GALNT17: variants seen among roughly 807,000 people sequenced by gnomAD.
The protein encoded by GALNT17 is UDP-GalNAc:polypeptide N-acetylgalactosaminyltransferase-like 3.
GALNT17 carries 29 observed loss-of-function variants against 63.7 expected under a neutral mutation model. The ratio of observed to expected loss-of-function variants is 0.46; its 90% confidence interval spans 0.34 to 0.62. The LOEUF (loss-of-function observed/expected upper bound fraction) is 0.62, where lower values mean the gene tolerates loss of function less well. Among genes scored for constraint, GALNT17 ranks in the 20% least tolerant of loss-of-function variants. The pLI, the probability that GALNT17 is intolerant of heterozygous loss-of-function variation, is 0.01. For missense variants in GALNT17, 603 were observed against 799.6 expected (o/e 0.75, Z 2.97); for synonymous variants, 305 against 318.3 (o/e 0.96, Z 0.45).
intron 1 of GALNT17, among the ~76,000 whole-genome samples, chr7:71,189,149 A>T (rs1462126305): frequency 2.0e-5 from 3 of 152,172 alleles, no homozygotes; most frequent in Admixed American, 2.0e-4. Flanking sequence ...AGTGTCCCCC[A>T]TACTATCCTC....
chr7:71,237,511 GAAAAAAA>G lies in GALNT17; in HGVS notation c.239-98024_239-98018del, dbSNP rs369921098. Reference sequence around the variant, plus strand: ...GCCAACATAGTAAGATCCCATCTCTGAAAAAAAAAAAAAAAAAAAAAGAAAAAACAGG... The same window carrying G: ...GCCAACATAGTAAGATCCCATCTCTGAAAAAAAAAAAAAAGAAAAAACAGG... On this transcript the variant is annotated intron_variant, in intron 1 of 10. Coordinates refer to ENST00000333538, the MANE Select transcript of GALNT17 (RefSeq NM_022479.3). 2.2e-3 allele frequency among the ~76,000 whole-genome samples: 170 copies of G among 78,128 alleles called. 1 individual carries two copies. Among genetic ancestry groups the G allele is most frequent in the African/African-American group, 6.7e-3 (158 of 23,668 alleles). 51.3% of individuals were successfully genotyped at this position (78,128 alleles called of 152,430 possible).
chr7:71,623,395 GT>G (rs923838527), intron 6 of GALNT17, among the ~76,000 whole-genome samples: 2 of 148,260 alleles, frequency 1.3e-5, no homozygotes, highest in African/African-American at 2.5e-5. Context: ...CTCGGTGGTA[GT>G]TTTTTTTCAT....
intron 1 of GALNT17, among the ~76,000 whole-genome samples, chr7:71,302,633 G>T (rs1011767387): frequency 6.6e-6 from 1 of 152,136 alleles, no homozygotes; most frequent in African/African-American, 2.4e-5. Flanking sequence ...GTAATGGGGA[G>T]ACAAAGCTAG....
chr7:71,509,641 C>G (rs570209984), intron 5 of GALNT17, among the ~76,000 whole-genome samples: 6 of 152,306 alleles, frequency 3.9e-5, no homozygotes, highest in African/African-American at 1.4e-4. Flanking sequence ...GAGCCTGTAT[C>G]TTTTTTGGGA....
chr7:71,569,795 G>C (rs1275542315), intron 5 of GALNT17, among the ~76,000 whole-genome samples: 1 of 152,088 alleles, frequency 6.6e-6, no homozygotes, highest in African/African-American at 2.4e-5. Flanking sequence ...GAGCACATGG[G>C]TTGATTTCAT....
chr7:71,318,980 T>TTGGGCTGACC (rs1438620568), intron 1 of GALNT17, among the ~76,000 whole-genome samples: 9 of 152,308 alleles, frequency 5.9e-5, no homozygotes, highest in African/African-American at 2.2e-4. Flanking sequence ...TCCAAGGTCA[T>TTGGGCTGACC]TGGGCTGACC....
At chr7:71,593,680 C>T (rs1259020140) in intron 6 of GALNT17, among the ~76,000 whole-genome samples, 1 of 152,164 alleles carries the variant, frequency 6.6e-6, no homozygotes, top group African/African-American at 2.4e-5. Flanking sequence ...TTACAGGAAA[C>T]AAAGTGGTAC....
In GALNT17 at chr7:71,176,241, G is replaced by A. The variant is rs549672309; in HGVS notation, c.238+43201G>A. Among the ~76,000 whole-genome samples, 24 of 152,116 alleles carry A rather than the reference G, an allele frequency of 1.6e-4. No individual in the cohort carries two copies. In the South Asian group the frequency reaches 4.2e-3, roughly 26 times the overall value. On this transcript the variant is annotated intron_variant, in intron 1 of 10. Coordinates refer to ENST00000333538, the MANE Select transcript of GALNT17 (RefSeq NM_022479.3). Reference sequence around the variant, plus strand: ...GTAGCCTCTGAAGTCCCCATATACCGCCGCTGTCGCCCCGTTCTGTTCATC... The same window carrying A: ...GTAGCCTCTGAAGTCCCCATATACCACCGCTGTCGCCCCGTTCTGTTCATC...
chr7:71,364,159 C>G (rs1212855492), intron 2 of GALNT17, among the ~76,000 whole-genome samples: 1 of 152,142 alleles, frequency 6.6e-6, no homozygotes, highest in Non-Finnish European at 1.5e-5. Context: ...CACCTCCCCT[C>G]CCACTTTTAC....
At chr7:71,567,324 C>T (rs886725622) in intron 5 of GALNT17, among the ~76,000 whole-genome samples, 3 of 152,154 alleles carry the variant, frequency 2.0e-5, no homozygotes, top group Admixed American at 1.3e-4. Flanking sequence ...GATTGGCATG[C>T]GATTTCTGTA....
At chr7:71,368,921 T>TGG (rs112526210) in intron 2 of GALNT17, among the ~76,000 whole-genome samples, 1 of 119,792 alleles carries the variant, frequency 8.3e-6, no homozygotes, top group South Asian at 3.1e-4. Flanking sequence ...TCCTCGGGGG[T>TGG]GGGGGGGGGT....
chr7:71,145,106 A>T (rs924465396), intron 1 of GALNT17, among the ~76,000 whole-genome samples: 1 of 152,118 alleles, frequency 6.6e-6, no homozygotes, highest in East Asian at 1.9e-4. Flanking sequence ...CATAAGAGGG[A>T]TGAAATTGTC....
intron 1 of GALNT17, among the ~76,000 whole-genome samples, chr7:71,165,246 A>C (rs1462179128): frequency 1.3e-5 from 2 of 152,216 alleles, no homozygotes; most frequent in South Asian, 2.1e-4. Flanking sequence ...TGAAGTACCC[A>C]GGGTGGTTTG....
At chr7:71,263,430 T>C (rs1227687255) in intron 1 of GALNT17, among the ~76,000 whole-genome samples, 3 of 152,192 alleles carry the variant, frequency 2.0e-5, no homozygotes, top group East Asian at 1.9e-4. Flanking sequence ...TCCAGAACGA[T>C]GAGACAGTGA....
rs1369167658 is a variant in GALNT17 at position 71,156,610 on chromosome 7, CT to C, written c.238+23572del. Among the ~76,000 whole-genome samples, 113 of 150,006 alleles carry C rather than the reference CT, an allele frequency of 7.5e-4. 4 individuals are homozygous for C. In the South Asian group the frequency reaches 0.021, roughly 28 times the overall value. ...CCTTCCTTCCTTCCTTCCTTCCTTC[CT>C]TCCTTCCTCCATTCTTTGCCTTCCT... On this transcript the variant is annotated intron_variant, in intron 1 of 10. Transcript: ENST00000333538.
intron 9 of GALNT17, among the ~76,000 whole-genome samples, chr7:71,707,020 C>T (rs371822730): frequency 2.6e-4 from 40 of 152,174 alleles, no homozygotes; most frequent in African/African-American, 8.4e-4. Context: ...GCGGCCAGCA[C>T]CCAGCCAGGT....
chr7:71,623,070 A>C (rs569695967), intron 6 of GALNT17, among the ~76,000 whole-genome samples: 1 of 152,264 alleles, frequency 6.6e-6, no homozygotes, highest in East Asian at 1.9e-4. Flanking sequence ...CCTGGGTCTG[A>C]ACCTTATCCC....
intron 4 of GALNT17, among the ~76,000 whole-genome samples, chr7:71,419,178 T>C (rs1276747581): frequency 6.6e-6 from 1 of 152,232 alleles, no homozygotes; most frequent in African/African-American, 2.4e-5. Context: ...TGAATGCTTC[T>C]AATGCATGAT....
chr7:71,515,416 T>C (rs1788428981), intron 5 of GALNT17, among the ~76,000 whole-genome samples: 1 of 152,214 alleles, frequency 6.6e-6, no homozygotes, highest in Non-Finnish European at 1.5e-5. Context: ...TTCTTAATTA[T>C]GTAACAAGCT....
Sources: allele counts gnomAD v4.1 joint callset (sites outside exome capture counted in the v4.1 genomes callset), GRCh38; gene constraint gnomAD v4.1.1; transcripts MANE v1.5; gene names NCBI Gene and HGNC (gene_info 2026-07-23, HGNC 2026-07-21).